PHKA2: variants seen among roughly 807,000 people sequenced by gnomAD.
PHKA2 encodes phosphorylase kinase regulatory subunit alpha 2.
PHKA2 carries 31 observed loss-of-function variants against 102.0 expected under a neutral mutation model. The observed-to-expected ratio is 0.30, with a 90% CI of 0.23 to 0.41. The LOEUF (loss-of-function observed/expected upper bound fraction) is 0.41, where lower values mean the gene tolerates loss of function less well. PHKA2 is among the 10% of genes least tolerant of loss of function. The pLI is 1.00. For missense variants in PHKA2, 858 were observed against 1,023.1 expected (o/e 0.84, Z 2.20); for synonymous variants, 455 against 416.2 (o/e 1.09, Z -1.13).
At chrX:18,934,516 T>C (rs992647932) in intron 11 of PHKA2, among the ~76,000 whole-genome samples, 1 of 111,762 alleles carries the variant, frequency 8.9e-6, no homozygotes, top group Non-Finnish European at 1.9e-5. Flanking sequence ...GTGAACAAGA[T>C]GGGCTGATAT....
At position 18,954,329 on chromosome X, in the gene PHKA2, C is replaced by G. The variant is rs2048743542; in HGVS notation, c.162G>C (p.Val54=). The G allele has an allele frequency of 8.3e-7, 1 of 1,211,044 alleles. No individual in the cohort carries two copies. Among genetic ancestry groups the G allele is most frequent in the East Asian group, 3.0e-5 (1 of 33,827 alleles). Residue 54 remains valine (V), a synonymous_variant, in exon 2 of 33, where the codon GTG becomes GTC. Coordinates refer to ENST00000379942, the MANE Select transcript of PHKA2 (RefSeq NM_000292.3). The part of the protein sequence containing the change: ...VRDNIYSILA[V]WGLGMAYRKN... Reference sequence around the variant, plus strand: ...TACGGTAGGCCATGCCCAGGCCCCACACGGCCAGGATACTGTAGATGTTAT... The same window carrying G: ...TACGGTAGGCCATGCCCAGGCCCCAGACGGCCAGGATACTGTAGATGTTAT...
Position 18,906,595 on chromosome X carries a change from G to C in PHKA2, c.2706C>G (p.Val902=). 1 of 1,198,574 alleles carries C rather than the reference G, an allele frequency of 8.3e-7. No individual in the cohort carries two copies. Among genetic ancestry groups the C allele is most frequent in the Non-Finnish European group, 1.1e-6 (1 of 883,045 alleles). ...CCACAAAGAGGCTGGGCTGCGCCCT[G>C]ACATACATGGCCAGGTAAACCACAA... is the stretch of plus-strand genomic sequence containing the variant. ...QEIVVYLAMY[V]RAQPSLFVEM... The change falls in exon 25 of 33, where the codon GTC becomes GTG. Residue 902 remains valine (V), a synonymous_variant. Coordinates refer to ENST00000379942, the MANE Select transcript of PHKA2 (RefSeq NM_000292.3).
intron 1 of PHKA2, among the ~76,000 whole-genome samples, chrX:18,972,485 A>G (rs1164682830): frequency 8.9e-6 from 1 of 112,024 alleles, no homozygotes; most frequent in Admixed American, 9.5e-5. Context: ...TGGGGAGAAT[A>G]TATCTTTACA....
intron 19 of PHKA2, among the ~76,000 whole-genome samples, chrX:18,917,434 T>C (rs781128044): frequency 9.2e-6 from 1 of 109,115 alleles, no homozygotes; most frequent in Admixed American, 9.9e-5. Flanking sequence ...CATTTCTGTA[T>C]TTTTAGTACA....
At chrX:18,969,499 G>A (rs2048991353) in intron 1 of PHKA2, among the ~76,000 whole-genome samples, 1 of 111,131 alleles carries the variant, frequency 9.0e-6, no homozygotes, top group Admixed American at 9.7e-5. Flanking sequence ...CTCCAAAAAG[G>A]ACATTCTTAA....
At chrX:18,935,494 G>C (rs1462283602) in intron 11 of PHKA2, among the ~76,000 whole-genome samples, 6 of 111,816 alleles carry the variant, frequency 5.4e-5, no homozygotes, top group African/African-American at 2.0e-4. Flanking sequence ...GGAGGGACAG[G>C]TATCATTTGA....
intron 1 of PHKA2, among the ~76,000 whole-genome samples, chrX:18,961,262 TAC>T (rs2048866086): frequency 8.9e-6 from 1 of 112,512 alleles, no homozygotes; most frequent in African/African-American, 3.2e-5. Flanking sequence ...TTTACTGATT[TAC>T]AGTCTGAAAT....
intron 19 of PHKA2, among the ~76,000 whole-genome samples, chrX:18,912,418 A>G (rs768406081): frequency 9.0e-6 from 1 of 111,519 alleles, no homozygotes; most frequent in Admixed American, 9.5e-5. Flanking sequence ...TGAATACTGT[A>G]GGTAACTGTA....
chrX:18,901,595 T>C lies in PHKA2; in HGVS notation c.2917A>G (p.Ile973Val), dbSNP rs1172447767. The change falls in exon 27 of 33, where the codon ATC becomes GTC. Residue 973 changes from isoleucine (I) to valine (V), a missense_variant. This residue lies in a region of PHKA2 where 671 missense variants were observed against 745.2 expected (regional missense o/e 0.90). Coordinates refer to ENST00000379942, the MANE Select transcript of PHKA2 (RefSeq NM_000292.3). ...GTAGGGCTGGATGTGGAGGAGTGGA[T>C]AGGGCGCACTGGGTGGGAAACACAC... ...EFGVERSVRPIHSSTSSPTIS... is the reference protein window; with the variant it reads ...EFGVERSVRPVHSSTSSPTIS... 2 of 1,175,630 alleles carry C rather than the reference T, an allele frequency of 1.7e-6. No homozygotes were observed. Among genetic ancestry groups the C allele is most frequent in the East Asian group, 3.0e-5 (1 of 33,671 alleles).
chrX:18,894,120 G>A (rs915632902), intron 32 of PHKA2, 84 bp downstream of exon 32: 3 of 885,103 alleles, frequency 3.4e-6, no homozygotes, highest in African/African-American at 3.9e-5. Flanking sequence ...TTCTTGGTTC[G>A]AGTATATTCT....
rs765704443 is a variant in PHKA2, at chrX:18,907,856, C to T, written c.2517+44G>A. On this transcript the variant is annotated intron_variant, in intron 22 of 32. Transcript: ENST00000379942. ...TTGGAAGTGGAAGAGGAAGGGGGCA[C>T]GAGCTAGTGAGCACACATGGGCAGC... 49 of 1,182,146 alleles carry T rather than the reference C, an allele frequency of 4.1e-5. 1 individual carries two copies. The Middle Eastern group carries it at 8.1e-4, about 20-fold the overall frequency.
chrX:18,911,683 G>C lies in PHKA2; in HGVS notation c.2138-723C>G, dbSNP rs372159926. On this transcript the variant is annotated intron_variant, in intron 19 of 32. Coordinates refer to ENST00000379942, the MANE Select transcript of PHKA2 (RefSeq NM_000292.3). ...AACAGAAGGAAAGATCACTTATTTA[G>C]TTTAGCTTCAACAAGAATTTATCAT... Among the ~76,000 whole-genome samples, 47 of 112,320 alleles carry C rather than the reference G, an allele frequency of 4.2e-4. 1 individual carries two copies. The highest frequency in any genetic ancestry group is 1.5e-3 in the African/African-American group (45 of 30,926).
chrX:18,920,860 A>G (rs1206544293), intron 17 of PHKA2, among the ~76,000 whole-genome samples: 2 of 112,385 alleles, frequency 1.8e-5, no homozygotes, highest in Admixed American at 1.9e-4. Flanking sequence ...ACAGAAGAAA[A>G]CATTCTTAAA....
At chrX:18,947,876 T>C (rs1463579306) in intron 5 of PHKA2, among the ~76,000 whole-genome samples, 1 of 112,238 alleles carries the variant, frequency 8.9e-6, no homozygotes, top group Middle Eastern at 4.6e-3. Flanking sequence ...TGGAGACTGT[T>C]ATTCTAAGTG....
chrX:18,979,835 T>G (rs902146210), intron 1 of PHKA2, among the ~76,000 whole-genome samples: 7 of 110,989 alleles, frequency 6.3e-5, no homozygotes, highest in East Asian at 2.8e-4. Flanking sequence ...ATTTAATAAT[T>G]TCAGCCCTTA....
At chrX:18,966,075 T>A (rs1380570970) in intron 1 of PHKA2, among the ~76,000 whole-genome samples, 2 of 102,546 alleles carry the variant, frequency 2.0e-5, no homozygotes, top group East Asian at 6.0e-4. Flanking sequence ...TGGTGGTGGC[T>A]CTTTTGTTTT....
intron 1 of PHKA2, among the ~76,000 whole-genome samples, chrX:18,958,293 G>A (rs745727735): frequency 2.8e-4 from 31 of 111,625 alleles, no homozygotes; most frequent in African/African-American, 8.5e-4. Flanking sequence ...GAGTTTTAGA[G>A]GCTGCATCAT....
chrX:18,934,618 A>T (rs1300419277), intron 11 of PHKA2, among the ~76,000 whole-genome samples: 3 of 112,841 alleles, frequency 2.7e-5, no homozygotes, highest in Non-Finnish European at 5.6e-5. Flanking sequence ...TAACTGGTTC[A>T]GTGATCTAAC....
intron 26 of PHKA2, among the ~76,000 whole-genome samples, chrX:18,904,951 C>T (rs986452265): frequency 9.0e-6 from 1 of 111,721 alleles, no homozygotes; most frequent in Non-Finnish European, 1.9e-5. Flanking sequence ...TTTCCCAGCA[C>T]TGCAAGCAGG....
Sources: gnomAD v4.1 joint callset for allele counts (sites outside exome capture counted in the v4.1 genomes callset) on GRCh38, gnomAD v4.1.1 for gene constraint, gnomAD v4.1.1 regional missense constraint, MANE v1.5 for transcripts, NCBI Gene and HGNC (gene_info 2026-07-23, HGNC 2026-07-21) for gene names.